The following TGM4 variants were observed in gnomAD, a reference collection of about 807,000 sequenced individuals.
The protein encoded by TGM4 is transglutaminase 4, also known as protein-glutamine gamma-glutamyltransferase 4.
In TGM4, 61 loss-of-function variants were observed where a neutral mutation model predicts 76.3. The ratio of observed to expected loss-of-function variants is 0.80; its 90% CI spans 0.65 to 0.99. The LOEUF is 0.99. Ranked by LOEUF, TGM4 falls within the 50% of genes least tolerant of loss-of-function variation. The pLI, the probability that TGM4 is intolerant of heterozygous loss-of-function variation, is 0.00. For missense variants in TGM4, 794 were observed against 843.2 expected (o/e 0.94, Z 0.72); for synonymous variants, 337 against 329.8 (o/e 1.02, Z -0.24).
At chr3:44,905,839 C>CT (rs11369371) in intron 9 of TGM4, among the ~76,000 whole-genome samples, 84,483 of 151,782 alleles carry the variant, frequency 0.56, 24,324 homozygotes, top group East Asian at 0.88. Context: ...CACACCCCCG[C>CT]ATACTCTGCA....
At chr3:44,901,376 A>G in intron 6 of TGM4, 148 bp from the exon 7 acceptor site, 1 of 932,682 alleles carries the variant, frequency 1.1e-6, no homozygotes, top group African/African-American at 1.7e-5. Flanking sequence ...CCTTCTGGGC[A>G]CCCCACCTGT....
At chr3:44,876,053 G>A (rs186363675) in intron 1 of TGM4, among the ~76,000 whole-genome samples, 2 of 152,362 alleles carry the variant, frequency 1.3e-5, no homozygotes, top group East Asian at 1.9e-4. Flanking sequence ...TGAAGGAAAG[G>A]TAGTCCTGAC....
intron 1 of TGM4, among the ~76,000 whole-genome samples, chr3:44,883,424 G>A (rs1353982207): frequency 6.6e-6 from 1 of 152,226 alleles, no homozygotes; most frequent in Non-Finnish European, 1.5e-5. Context: ...AATGCAGCAA[G>A]AGGCCCTCAC....
At chr3:44,883,409 G>A (rs72863125) in intron 1 of TGM4, among the ~76,000 whole-genome samples, 15,275 of 152,286 alleles carry the variant, frequency 0.1, 889 homozygotes, top group Middle Eastern at 0.15. Context: ...CTTCTGCTAT[G>A]TTACAATGCA....
At position 44,896,781 on chromosome 3, in the gene TGM4, G is replaced by A. The variant is rs1292907700; in HGVS notation, c.622G>A (p.Asp208Asn). 2 of 1,614,136 alleles carry A rather than the reference G, an allele frequency of 1.2e-6. No homozygotes were observed. The highest frequency in any genetic ancestry group is 4.5e-5 in the East Asian group (2 of 44,882). Residue 208 changes from aspartate to asparagine, a missense_variant, in exon 6 of 14, where the codon GAC becomes AAC. Physicochemically the swap from Asp to Asn is conservative, Grantham distance 23. Transcript: ENST00000296125. ...CTCCCTCAAGCCCACAGATAGGAGG[G>A]ACCCCGTGCTGGTGTGCAGGGCCAT... ...ESSLKPTDRR[D>N]PVLVCRAMCA...
intron 4 of TGM4, among the ~76,000 whole-genome samples, chr3:44,891,955 CA>C (rs1248225964): frequency 6.9e-6 from 1 of 145,308 alleles, no homozygotes; most frequent in Non-Finnish European, 1.5e-5. Flanking sequence ...AGCTCTGTCT[CA>C]AAAAAGGAAA....
intron 13 of TGM4, among the ~76,000 whole-genome samples, chr3:44,912,077 C>T (rs751625791): frequency 1.3e-5 from 2 of 152,146 alleles, no homozygotes; most frequent in African/African-American, 2.4e-5. Flanking sequence ...GTGATCTGCC[C>T]GCCTTGGCCT....
chr3:44,906,812 A>T lies in TGM4; in HGVS notation c.1076-137A>T, dbSNP rs115022253. 20 of 1,088,128 alleles carry T rather than the reference A, an allele frequency of 1.8e-5. No individual in the cohort carries two copies. In the African/African-American group the frequency reaches 3.0e-4, roughly 16 times the overall value. The allele number at this position is 1,088,128 out of a possible 1,614,324, so 67.4% of individuals were successfully genotyped here. A position where few individuals can be genotyped will look rare whatever the true frequency, so the allele number is the denominator to read the frequency against. ...CAGAATAGTTAAGGATGGCCTAGGA[A>T]ATGAGTACCCAGATGCTTCTTGGGC... On this transcript the variant is annotated intron_variant, in intron 9 of 13. Transcript: ENST00000296125.
Position 44,914,617 on chromosome 3 carries a change from G to C in TGM4, c.*892G>C, listed in dbSNP as rs573090756. ...TTCAAGAAAACTCTGTGGTCCCTGAGTCCTTTTTTCTTTATGCCAATAAGC... is the reference window on the plus strand; with the variant it reads ...TTCAAGAAAACTCTGTGGTCCCTGACTCCTTTTTTCTTTATGCCAATAAGC... On this transcript the variant is annotated 3_prime_UTR_variant, in exon 14 of 14. Transcript: ENST00000296125. 1 of 152,172 alleles carries C rather than the reference G, an allele frequency of 6.6e-6. No homozygotes were observed. The highest frequency in any genetic ancestry group is 1.5e-5 in the Non-Finnish European group (1 of 68,044). The allele number at this position is 152,172 out of a possible 1,614,324, so 9.4% of individuals were successfully genotyped here. A position where few individuals can be genotyped will look rare whatever the true frequency, so the allele number is the denominator to read the frequency against.
At chr3:44,879,765 A>C (rs1343236015) in intron 1 of TGM4, among the ~76,000 whole-genome samples, 2 of 152,038 alleles carry the variant, frequency 1.3e-5, no homozygotes, top group Non-Finnish European at 2.9e-5. Context: ...GGCATGAGCC[A>C]CTGTGCCCGG....
At chr3:44,891,831 C>T (rs1431006570) in intron 4 of TGM4, among the ~76,000 whole-genome samples, 6 of 151,192 alleles carry the variant, frequency 4.0e-5, no homozygotes, top group Middle Eastern at 3.4e-3. Context: ...AAAAATTAGC[C>T]GGGCATGGTG....
chr3:44,890,934 C>T (rs1699685573), intron 4 of TGM4, among the ~76,000 whole-genome samples: 1 of 152,190 alleles, frequency 6.6e-6, no homozygotes, highest in African/African-American at 2.4e-5. Flanking sequence ...TCCTTATTCC[C>T]TGTTTCCACT....
rs1175021555 is a variant in TGM4 at position 44,901,776 on chromosome 3, A to G, written c.833-17A>G. On this transcript the variant is annotated splice_polypyrimidine_tract_variant and intron_variant, in intron 7 of 13. Coordinates refer to ENST00000296125, the MANE Select transcript of TGM4 (RefSeq NM_003241.4). Reference sequence around the variant, plus strand: ...AGCCCCCACAGTTGCCAACCACCCCACCCTGGATCATTTCAGTGCTGAGAG... The same window carrying G: ...AGCCCCCACAGTTGCCAACCACCCCGCCCTGGATCATTTCAGTGCTGAGAG... 5 of 1,613,700 alleles carry G rather than the reference A, an allele frequency of 3.1e-6. No individual in the cohort carries two copies. The highest frequency in any genetic ancestry group is 1.3e-5 in the African/African-American group (1 of 74,894).
intron 6 of TGM4, among the ~76,000 whole-genome samples, chr3:44,901,162 C>A (rs180677828): frequency 6.6e-6 from 1 of 152,140 alleles, no homozygotes; most frequent in Admixed American, 6.5e-5. Flanking sequence ...ATCACCTGAG[C>A]CCAGGAAGTT....
intron 9 of TGM4, among the ~76,000 whole-genome samples, chr3:44,904,960 G>T (rs1206301996): frequency 6.6e-6 from 1 of 151,702 alleles, no homozygotes; most frequent in Non-Finnish European, 1.5e-5. Flanking sequence ...GGGATTACAG[G>T]CATGAGCCAC....
chr3:44,897,941 G>A (rs1699801403), intron 6 of TGM4, among the ~76,000 whole-genome samples: 1 of 152,172 alleles, frequency 6.6e-6, no homozygotes, highest in Non-Finnish European at 1.5e-5. Flanking sequence ...CATTGTTTTA[G>A]TTGGAATATA....
At chr3:44,897,896 G>A (rs1477653175) in intron 6 of TGM4, among the ~76,000 whole-genome samples, 1 of 152,164 alleles carries the variant, frequency 6.6e-6, no homozygotes, top group East Asian at 1.9e-4. Flanking sequence ...TGGCTTGCTA[G>A]AAGTCAGCTG....
chr3:44,912,126 C>T lies in TGM4; in HGVS notation c.1913+720C>T, dbSNP rs531794634. On this transcript the variant is annotated intron_variant, in intron 13 of 13. Coordinates refer to ENST00000296125, the MANE Select transcript of TGM4 (RefSeq NM_003241.4). ...GATTACAGGCATGGGCCATCATGCC[C>T]GGCCGAACAGTTTGTATTTTTTTAA... Among the ~76,000 whole-genome samples, 7 of 152,362 alleles carry T rather than the reference C, an allele frequency of 4.6e-5. No individual in the cohort carries two copies. In the East Asian group the frequency reaches 5.8e-4, roughly 13 times the overall value.
intron 5 of TGM4, among the ~76,000 whole-genome samples, chr3:44,894,634 G>T (rs777087540): frequency 1.0e-3 from 158 of 151,192 alleles, no homozygotes; most frequent in Non-Finnish European, 1.5e-3. Flanking sequence ...GACACCAGAT[G>T]CTTCCCACCT....
Sources: gnomAD v4.1 joint callset for allele counts (sites outside exome capture counted in the v4.1 genomes callset) on GRCh38, gnomAD v4.1.1 for gene constraint, MANE v1.5 for transcripts, NCBI Gene and HGNC (gene_info 2026-07-23, HGNC 2026-07-21) for gene names.